Variants in MCF2L observed in about 807,000 individuals in gnomAD.
The protein encoded by MCF2L is guanine nucleotide exchange factor DBS.
MCF2L carries 97 observed loss-of-function variants against 153.4 expected under a neutral mutation model. The observed-to-expected ratio is 0.63, with a 90% confidence interval of 0.54 to 0.75. The LOEUF (loss-of-function observed/expected upper bound fraction) is 0.75. Among genes scored for constraint, MCF2L ranks in the 30% least tolerant of loss-of-function variants. MCF2L has a pLI of 0.00. For synonymous variants in MCF2L, 659 were observed against 632.2 expected, an observed-to-expected ratio of 1.04 and a Z score of -0.64; for missense variants, 1,347 against 1,495.2, an observed-to-expected ratio of 0.90 and a Z score of 1.64.
intron 1 of MCF2L, among the ~76,000 whole-genome samples, chr13:112,987,101 G>A (rs2082677405): frequency 6.6e-6 from 1 of 152,092 alleles, no homozygotes; most frequent in East Asian, 1.9e-4. Context: ...GGCACCCGGT[G>A]AACTCACTCA....
intron 1 of MCF2L, among the ~76,000 whole-genome samples, chr13:112,973,170 C>T (rs931817679): frequency 2.0e-5 from 3 of 152,134 alleles, no homozygotes; most frequent in Non-Finnish European, 2.9e-5. Flanking sequence ...CGGTTTCTGA[C>T]GGACGCCTTA....
chr13:113,025,521 A>C lies in MCF2L; in HGVS notation c.278+763A>C, dbSNP rs1286611104. On this transcript the variant is annotated intron_variant, in intron 3 of 29. Transcript: ENST00000535094. ...CGGGGCAGAGTCTCTGTGAGGTTTCATCATCGTGGGGTCCCCGTGACTGTG... is the reference window on the plus strand; with the variant it reads ...CGGGGCAGAGTCTCTGTGAGGTTTCCTCATCGTGGGGTCCCCGTGACTGTG... Among the ~76,000 whole-genome samples, 10 of 29,906 alleles carry C rather than the reference A, an allele frequency of 3.3e-4. 1 individual carries two copies. The highest frequency in any genetic ancestry group is 6.1e-4 in the Admixed American group (2 of 3,266). The allele number at this position is 29,906 out of a possible 152,430, so 19.6% of individuals were successfully genotyped here.
chr13:113,015,451 TGAGGAGGGTGCCCCGATGCC>T (rs879270016), intron 2 of MCF2L, among the ~76,000 whole-genome samples: 12 of 151,930 alleles, frequency 7.9e-5, no homozygotes, highest in African/African-American at 1.2e-4. Flanking sequence ...GCCCCGATGC[TGAGGAGGGTGCCCCGATGCC>T]GAGGAGGGTG....
intron 1 of MCF2L, chr13:113,001,738 G>A: frequency 7.3e-7 from 1 of 1,366,072 alleles, no homozygotes; most frequent in Non-Finnish European, 9.4e-7. Flanking sequence ...GGAGGCCCTG[G>A]GAGGAGCAGC....
intron 1 of MCF2L, among the ~76,000 whole-genome samples, chr13:112,973,356 T>C (rs1339576870): frequency 1.3e-5 from 2 of 152,232 alleles, no homozygotes; most frequent in Admixed American, 6.5e-5. Flanking sequence ...AATTTAGGTC[T>C]CTAATTAGAT....
At chr13:113,050,504 G>C (rs1379670500) in intron 4 of MCF2L, among the ~76,000 whole-genome samples, 3 of 151,104 alleles carry the variant, frequency 2.0e-5, no homozygotes, top group African/African-American at 7.3e-5. Flanking sequence ...AGGAAAGGTA[G>C]AAAACAAGGT....
intron 4 of MCF2L, among the ~76,000 whole-genome samples, chr13:113,050,382 A>G (rs1230864662): frequency 6.6e-6 from 1 of 151,688 alleles, no homozygotes; most frequent in African/African-American, 2.4e-5. Flanking sequence ...GCTAGCCTAA[A>G]TCAAACTAAA....
intron 20 of MCF2L, 128 bp from the exon 21 acceptor site, chr13:113,085,996 G>A (rs2034604135): frequency 2.0e-6 from 2 of 990,866 alleles, no homozygotes; most frequent in Non-Finnish European, 2.8e-6. Context: ...GGCAGGCAGG[G>A]CAGCTCCCCA....
intron 2 of MCF2L, among the ~76,000 whole-genome samples, chr13:112,911,771 C>G (rs145138991): frequency 6.6e-6 from 1 of 152,256 alleles, no homozygotes; most frequent in African/African-American, 2.4e-5. Context: ...TTCCGTCTTC[C>G]TCTCTTCCGA....
At chr13:112,903,199 A>G (rs2081136624) in intron 2 of MCF2L, among the ~76,000 whole-genome samples, 1 of 152,150 alleles carries the variant, frequency 6.6e-6, no homozygotes, top group African/African-American at 2.4e-5. Flanking sequence ...TCCAGCACCA[A>G]TGGGGTGGCC....
In MCF2L at chr13:112,941,403, A is replaced by G. The variant is rs1017285261; in HGVS notation, c.169+39032A>G. Among the ~76,000 whole-genome samples, 6 of 150,976 alleles carry G rather than the reference A, an allele frequency of 4.0e-5. No homozygotes were observed. Among genetic ancestry groups the G allele is most frequent in the Non-Finnish European group, 7.4e-5 (5 of 67,814 alleles). ...ATATATTATATAATTTCTATTTGAA[A>G]TAAAATTCCTTGTACATTTCCTTTA... On this transcript the variant is annotated intron_variant, in intron 2 of 29. Transcript: ENST00000375608. This position sits in a 1 kb window ranked among gnomAD's most constrained non-coding sequence, Gnocchi z 4.9.
At chr13:113,065,307 T>G (rs2032195433) in intron 7 of MCF2L, 4 of 562,072 alleles carry the variant, frequency 7.1e-6, no homozygotes, top group Non-Finnish European at 9.4e-6. Flanking sequence ...AAATGAACCC[T>G]GTAGATTGCT....
chr13:112,911,586 A>G (rs2081233454), intron 2 of MCF2L, among the ~76,000 whole-genome samples: 1 of 152,106 alleles, frequency 6.6e-6, no homozygotes, highest in South Asian at 2.1e-4. Flanking sequence ...GCCTCACCCA[A>G]GCCCCTGCTG....
Position 112,960,956 on chromosome 13 carries a change from C to T in MCF2L, c.170-53807C>T, listed in dbSNP as rs973234037. Among the ~76,000 whole-genome samples, 4 of 152,208 alleles carry T rather than the reference C, an allele frequency of 2.6e-5. No homozygotes were observed. Among genetic ancestry groups the T allele is most frequent in the Non-Finnish European group, 4.4e-5 (3 of 68,034 alleles). On this transcript the variant is annotated intron_variant, in intron 2 of 29. Transcript: ENST00000375608. This position sits in a 1 kb window ranked among gnomAD's most constrained non-coding sequence, Gnocchi z 4.2. ...AGTGACTGCAGGCCGTGCCGCAGCT[C>T]AAGTGGGGGCCCCTGAGGGGCCTCC...
At chr13:112,963,835 TGCTG>T (rs1242917571) in intron 2 of MCF2L, among the ~76,000 whole-genome samples, 1 of 151,704 alleles carries the variant, frequency 6.6e-6, no homozygotes, top group Non-Finnish European at 1.5e-5. Context: ...CAGCCAAGAG[TGCTG>T]GCCCCCCAGA....
chr13:113,000,987 C>T (rs1194768017), intron 1 of MCF2L, among the ~76,000 whole-genome samples: 5 of 152,206 alleles, frequency 3.3e-5, no homozygotes, highest in African/African-American at 9.6e-5. Flanking sequence ...GCGTTGGTCC[C>T]CTTAGCTCCT....
exon 2 of MCF2L, chr13:112,902,240 C>A (rs1206667509): frequency 6.2e-7 from 1 of 1,612,830 alleles, no homozygotes; most frequent in Non-Finnish European, 8.5e-7. Flanking sequence ...TGCAAGAGAC[C>A]TGGAAGCAAC....
In MCF2L at chr13:113,089,600, A is replaced by G; in HGVS notation, c.2835-10A>G. ...CACTATTTCCTTTTTGATTTGTCTG[A>G]TGTCATCAGTCCCTCAAGAGGAAAC... On this transcript the variant is annotated splice_polypyrimidine_tract_variant and intron_variant, in intron 25 of 29. Coordinates refer to ENST00000535094, the MANE Select transcript of MCF2L (RefSeq NM_001112732.3). 1 of 1,569,236 alleles carries G rather than the reference A, an allele frequency of 6.4e-7. No homozygotes were observed. The highest frequency in any genetic ancestry group is 1.1e-5 in the South Asian group (1 of 90,032).
intron 18 of MCF2L, among the ~76,000 whole-genome samples, chr13:113,084,289 A>T (rs1381721761): frequency 1.3e-4 from 11 of 87,440 alleles, no homozygotes; most frequent in African/African-American, 2.3e-4. Context: ...AAACGTCCTG[A>T]ACCCCCAGAA....
Sources: allele counts gnomAD v4.1 joint callset (sites outside exome capture counted in the v4.1 genomes callset), GRCh38; gene constraint gnomAD v4.1.1; non-coding constraint Gnocchi (gnomAD v3.1); transcripts MANE v1.5; gene names NCBI Gene and HGNC (gene_info 2026-07-23, HGNC 2026-07-21).